Variants in CRABP1 observed in about 807,000 individuals in gnomAD.
CRABP1 encodes the protein cellular retinoic acid binding protein 1, also known as cellular retinoic acid-binding protein 1.
CRABP1 carries 9 observed loss-of-function variants against 16.4 expected under a neutral mutation model. The observed-to-expected ratio is 0.55, with a 90% CI of 0.33 to 0.96. The LOEUF is 0.96. Among genes scored for constraint, CRABP1 ranks in the 40% least tolerant of loss-of-function variants. CRABP1 has a pLI of 0.03. For synonymous variants in CRABP1, 72 were observed against 70.4 expected (o/e 1.02, Z -0.11); for missense variants, 157 against 186.0 (o/e 0.84, Z 0.91).
At chr15:78,340,661 G>A (rs918713287) in intron 1 of CRABP1, 163 bp downstream of exon 1, 2 of 798,314 alleles carry the variant, frequency 2.5e-6, no homozygotes, top group Non-Finnish European at 3.9e-6. Context: ...ACCGGGTCTC[G>A]GAGAAGCTGG....
chr15:78,347,340 T>C (rs1481293456), intron 3 of CRABP1, among the ~76,000 whole-genome samples: 1 of 152,234 alleles, frequency 6.6e-6, no homozygotes, highest in Admixed American at 6.5e-5. Context: ...TAGCCAGCTG[T>C]GAGCTGCAGG....
chr15:78,344,750 A>C (rs1350740203), intron 3 of CRABP1, among the ~76,000 whole-genome samples: 1 of 47,616 alleles, frequency 2.1e-5, no homozygotes, highest in Non-Finnish European at 3.8e-5. Flanking sequence ...CTATCTCTAC[A>C]AAAAAAAAAA....
Position 78,341,250 on chromosome 15 carries a change from C to A in CRABP1, c.249+29C>A. The A allele has an allele frequency of 2.5e-6, 4 of 1,591,222 alleles. No homozygotes were observed. The highest frequency in any genetic ancestry group is 2.3e-5 in the East Asian group (1 of 43,778). On this transcript the variant is annotated intron_variant, in intron 2 of 3. Transcript: ENST00000299529. The surrounding 1 kb of genome is among the most constrained non-coding windows in gnomAD (Gnocchi z 5.3). ...AGGCCCCAGAGCCACTACAGCGTCC[C>A]CGTGTCCCCGCTCGGTGCCCATGGC...
intron 2 of CRABP1, among the ~76,000 whole-genome samples, chr15:78,342,155 T>C (rs531356573): frequency 6.6e-6 from 1 of 152,134 alleles, no homozygotes; most frequent in Non-Finnish European, 1.5e-5. Context: ...AGAAGCAGGC[T>C]GATCTAGGAG....
chr15:78,341,554 A>AGGT lies in CRABP1; in HGVS notation c.249+335_249+336insTGG. On this transcript the variant is annotated intron_variant, in intron 2 of 3. Transcript: ENST00000299529. This position sits in a 1 kb window ranked among gnomAD's most constrained non-coding sequence, Gnocchi z 5.3. ...CAAGCGCAGGCGGCGCAGGAGGAGG[A>AGGT]GGAGGTTGCAGGAGCCGCCAGGTTC... 3.0e-6 allele frequency: 1 copy of AGGT among 337,628 alleles called. No individual in the cohort carries two copies. 20.9% of individuals were successfully genotyped at this position (337,628 alleles called of 1,614,324 possible). A position where few individuals can be genotyped will look rare whatever the true frequency, so the allele number is the denominator to read the frequency against.
intron 3 of CRABP1, among the ~76,000 whole-genome samples, chr15:78,345,099 T>C (rs992984306): frequency 2.0e-5 from 3 of 152,158 alleles, no homozygotes; most frequent in African/African-American, 7.2e-5. Context: ...ATGTTGTGAA[T>C]AGGAGACTGC....
intron 2 of CRABP1, among the ~76,000 whole-genome samples, chr15:78,342,357 A>G (rs1595955121): frequency 6.6e-6 from 1 of 152,020 alleles, no homozygotes; most frequent in East Asian, 1.9e-4. Flanking sequence ...GGCTACTGCC[A>G]GGAAGGGTAA....
At chr15:78,342,433 C>T (rs1001241956) in intron 2 of CRABP1, among the ~76,000 whole-genome samples, 18 of 152,046 alleles carry the variant, frequency 1.2e-4, no homozygotes, top group Non-Finnish European at 2.1e-4. Context: ...TTTATGCACC[C>T]CCCATCCCCC....
chr15:78,346,993 G>GT lies in CRABP1; in HGVS notation c.364-920dup, dbSNP rs60882314. 9.2e-3 allele frequency among the ~76,000 whole-genome samples: 1,289 copies of GT among 140,334 alleles called. 19 individuals are homozygous for GT. Among genetic ancestry groups the GT allele is most frequent in the African/African-American group, 0.023 (905 of 39,340 alleles). The allele number at this position is 140,334 out of a possible 152,430, so 92.1% of individuals were successfully genotyped here. ...TTTCTGTTTCTTGGTTTTTGTTTTT[G>GT]TTTTTTTTTTTTTTAACATACATAT... On this transcript the variant is annotated intron_variant, in intron 3 of 3. Coordinates refer to ENST00000299529, the MANE Select transcript of CRABP1 (RefSeq NM_004378.3).
intron 2 of CRABP1, among the ~76,000 whole-genome samples, chr15:78,342,536 AC>A (rs2050241183): frequency 6.6e-6 from 1 of 151,692 alleles, no homozygotes; most frequent in South Asian, 2.1e-4. Context: ...CAGCTGTACC[AC>A]ACTTAGCTTT....
rs754442605 is a variant in CRABP1 at position 78,340,543 on chromosome 15, G to C, written c.70+45G>C. 3 of 1,585,806 alleles carry C rather than the reference G, an allele frequency of 1.9e-6. No individual in the cohort carries two copies. In the South Asian group the frequency reaches 3.4e-5, roughly 18 times the overall value. On this transcript the variant is annotated intron_variant, in intron 1 of 3. Coordinates refer to ENST00000299529, the MANE Select transcript of CRABP1 (RefSeq NM_004378.3). Reference sequence around the variant, plus strand: ...GCGCCCCGACGGGGAGATGCGGCCCGGAGGTGCCCTGGTCCCGGAAGTGCC... The same window carrying C: ...GCGCCCCGACGGGGAGATGCGGCCCCGAGGTGCCCTGGTCCCGGAAGTGCC...
rs372825750 is a variant in CRABP1, at chr15:78,343,503, T to G, written c.254T>G (p.Leu85Ter). 2 of 1,613,852 alleles carry G rather than the reference T, an allele frequency of 1.2e-6. No individual in the cohort carries two copies. The highest frequency in any genetic ancestry group is 3.3e-5 in the Admixed American group (2 of 59,992). ...TAATGGTTTTCCCGCCTGCAGAGTT[T>G]AGCCACTTGGGAGAATGAGAACAAG... ...ETVDGRKCRS[L>*]ATWENENKIH... The change falls in exon 3 of 4, where the codon TTA becomes TGA. Residue 85 changes from leucine to a stop codon, truncating the protein, a stop_gained. Transcript: ENST00000299529. LOFTEE classifies it high-confidence loss of function.
intron 2 of CRABP1, among the ~76,000 whole-genome samples, chr15:78,342,394 G>C (rs896602690): frequency 5.3e-5 from 8 of 152,020 alleles, no homozygotes; most frequent in Non-Finnish European, 8.8e-5. Context: ...AAAAATTAAA[G>C]GTTCACACAA....
intron 3 of CRABP1, among the ~76,000 whole-genome samples, chr15:78,345,130 A>G (rs939652396): frequency 1.7e-4 from 26 of 152,260 alleles, no homozygotes; most frequent in African/African-American, 6.3e-4. Flanking sequence ...GTGCTAGGAA[A>G]GGACTTGCAG....
At position 78,347,910 on chromosome 15, in the gene CRABP1, T is replaced by C; in HGVS notation, c.364-17T>C. The C allele has an allele frequency of 6.2e-7, 1 of 1,614,078 alleles. No homozygotes were observed. The highest frequency in any genetic ancestry group is 8.5e-7 in the Non-Finnish European group (1 of 1,179,966). ...GGCATCTGCACTGATTGGTTTTCCT[T>C]TTCTTCTTCTCTGCAGACGTTTGGC... On this transcript the variant is annotated splice_polypyrimidine_tract_variant and intron_variant, in intron 3 of 3. Coordinates refer to ENST00000299529, the MANE Select transcript of CRABP1 (RefSeq NM_004378.3).
chr15:78,347,162 G>T (rs1196670432), intron 3 of CRABP1, among the ~76,000 whole-genome samples: 1 of 152,044 alleles, frequency 6.6e-6, no homozygotes, highest in African/African-American at 2.4e-5. Context: ...CTCCATCTGT[G>T]CAATGATTCG....
rs570478471 is a variant in CRABP1, at chr15:78,345,696, C to A, written c.363+2084C>A. ...CCAACTTCAGTTCTATCCCTGCATT[C>A]TTCCCTGGCACAGCAAACATATATA... On this transcript the variant is annotated intron_variant, in intron 3 of 3. Transcript: ENST00000299529. Among the ~76,000 whole-genome samples the A allele has an allele frequency of 2.0e-5, 3 of 152,312 alleles. No homozygotes were observed. In the South Asian group the frequency reaches 6.2e-4, roughly 32 times the overall value.
At chr15:78,344,799 C>G (rs563433126) in intron 3 of CRABP1, among the ~76,000 whole-genome samples, 1 of 151,256 alleles carries the variant, frequency 6.6e-6, no homozygotes, top group South Asian at 2.1e-4. Context: ...TGCTTGTAGT[C>G]TCAGCTACTC....
intron 3 of CRABP1, among the ~76,000 whole-genome samples, chr15:78,344,320 C>T (rs971220964): frequency 2.0e-5 from 3 of 152,012 alleles, no homozygotes; most frequent in Non-Finnish European, 1.5e-5. Flanking sequence ...ATTAGCCGGG[C>T]GTGGTGGCAT....
Sources: gnomAD v4.1 joint callset for allele counts (sites outside exome capture counted in the v4.1 genomes callset) on GRCh38, gnomAD v4.1.1 for gene constraint, Gnocchi (gnomAD v3.1) non-coding constraint, MANE v1.5 for transcripts, NCBI Gene and HGNC (gene_info 2026-07-23, HGNC 2026-07-21) for gene names.